TTLL5: variants seen among roughly 807,000 people sequenced by gnomAD.
TTLL5 encodes tubulin polyglutamylase TTLL5.
A neutral mutation model predicts 168.4 loss-of-function variants in TTLL5; 132 were observed. The ratio of observed to expected loss-of-function variants is 0.78; its 90% confidence interval spans 0.68 to 0.91. TTLL5 has a LOEUF of 0.91. TTLL5 is among the 40% of genes least tolerant of loss of function. The pLI, the probability that TTLL5 is intolerant of heterozygous loss-of-function variation, is 0.00. For synonymous variants in TTLL5, 546 were observed against 558.6 expected (o/e 0.98, Z 0.32); for missense variants, 1,545 against 1,581.5 (o/e 0.98, Z 0.39).
At chr14:75,756,340 A>G (rs1039284218) in intron 18 of TTLL5, among the ~76,000 whole-genome samples, 2 of 152,176 alleles carry the variant, frequency 1.3e-5, no homozygotes, top group Non-Finnish European at 2.9e-5. Flanking sequence ...CAGATTAATG[A>G]GGCAGGGTTT....
intron 9 of TTLL5, chr14:75,710,001 T>C (rs1209204602): frequency 6.6e-6 from 1 of 152,250 alleles, no homozygotes; most frequent in East Asian, 1.9e-4. Flanking sequence ...GTTATGAGTT[T>C]CATCATTCTC....
intron 30 of TTLL5, among the ~76,000 whole-genome samples, chr14:75,897,002 A>C (rs1595227645): frequency 1.3e-5 from 2 of 152,114 alleles, no homozygotes; most frequent in Non-Finnish European, 2.9e-5. Flanking sequence ...ACTAGAAAAA[A>C]TTTTTCAAAA....
intron 19 of TTLL5, 30 bp downstream of exon 19, chr14:75,764,802 C>T (rs560308131): frequency 1.2e-6 from 2 of 1,613,098 alleles, no homozygotes; most frequent in African/African-American, 1.3e-5. Flanking sequence ...CACCAAACTC[C>T]CTTATCTGGA....
At chr14:75,947,331 C>T (rs752923186) in intron 31 of TTLL5, among the ~76,000 whole-genome samples, 4 of 151,994 alleles carry the variant, frequency 2.6e-5, no homozygotes, top group South Asian at 2.1e-4. Context: ...ACCAACCAAA[C>T]GAAAGCTGAT....
chr14:75,701,280 C>G (rs545052623), intron 7 of TTLL5, among the ~76,000 whole-genome samples: 11 of 152,054 alleles, frequency 7.2e-5, no homozygotes, highest in Non-Finnish European at 1.6e-4. Context: ...CTCTTCTGTC[C>G]TTTAATTTTA....
At chr14:75,927,533 T>G (rs2034116390) in intron 31 of TTLL5, among the ~76,000 whole-genome samples, 1 of 152,218 alleles carries the variant, frequency 6.6e-6, no homozygotes, top group Non-Finnish European at 1.5e-5. Flanking sequence ...TCTTCACATC[T>G]TAGATGGACA....
At chr14:75,838,350 C>A (rs182775024) in intron 28 of TTLL5, 3 of 150,372 alleles carry the variant, frequency 2.0e-5, no homozygotes, top group African/African-American at 7.4e-5. Context: ...GTCAGGAGAT[C>A]GAGACCATCC....
chr14:75,909,689 AC>A (rs1432536363), intron 31 of TTLL5, among the ~76,000 whole-genome samples: 2 of 152,248 alleles, frequency 1.3e-5, no homozygotes, highest in East Asian at 3.8e-4. Context: ...ACCAGGAAGA[AC>A]CATGAATTAG....
At chr14:75,670,209 T>C (rs1883625036) in intron 3 of TTLL5, among the ~76,000 whole-genome samples, 1 of 151,498 alleles carries the variant, frequency 6.6e-6, no homozygotes. Flanking sequence ...TGTTTCCACC[T>C]TTTTTTTTAA....
At chr14:75,772,669 C>CTT (rs904209991) in intron 21 of TTLL5, among the ~76,000 whole-genome samples, 6 of 136,892 alleles carry the variant, frequency 4.4e-5, no homozygotes, top group South Asian at 2.4e-4. Flanking sequence ...CTTCCATATT[C>CTT]TTTTTTTTTT....
intron 29 of TTLL5, among the ~76,000 whole-genome samples, chr14:75,870,009 G>T (rs932585067): frequency 6.6e-6 from 1 of 151,392 alleles, no homozygotes; most frequent in Admixed American, 6.6e-5. Flanking sequence ...TAGTAGAGAT[G>T]GGGTTTTCAC....
chr14:75,763,929 C>T (rs1890812415), intron 18 of TTLL5, among the ~76,000 whole-genome samples: 1 of 152,150 alleles, frequency 6.6e-6, no homozygotes, highest in Admixed American at 6.5e-5. Flanking sequence ...GTACTTAACG[C>T]CTGTAAAGTC....
At chr14:75,689,021 T>C (rs561275258) in intron 5 of TTLL5, among the ~76,000 whole-genome samples, 40 of 152,358 alleles carry the variant, frequency 2.6e-4, no homozygotes, top group African/African-American at 8.9e-4. Context: ...TGCCTCTAAC[T>C]AGTGGAATAT....
intron 12 of TTLL5, among the ~76,000 whole-genome samples, chr14:75,728,312 C>T (rs1296873013): frequency 4.7e-5 from 7 of 147,380 alleles, no homozygotes; most frequent in African/African-American, 1.5e-4. Flanking sequence ...GCCGATATTA[C>T]ACCATTGCAC....
At chr14:75,803,027 T>C (rs1240148292) in intron 27 of TTLL5, 1 of 152,262 alleles carries the variant, frequency 6.6e-6, no homozygotes, top group African/African-American at 2.4e-5. Flanking sequence ...AGGAATGAAG[T>C]TGGGCGAGAA....
In TTLL5 at chr14:75,805,547, T is replaced by C. The variant is rs1305803124; in HGVS notation, c.3171+12447T>C. ...TTTCCTGTGATTTCATCCTGGTACT[T>C]CTCTATGGATTTCTCCCAAGTATAT... On this transcript the variant is annotated intron_variant, in intron 27 of 31. Coordinates refer to ENST00000298832, the MANE Select transcript of TTLL5 (RefSeq NM_015072.5). Among the ~76,000 whole-genome samples, 503 of 152,314 alleles carry C rather than the reference T, an allele frequency of 3.3e-3. 3 individuals carry two copies. The highest frequency in any genetic ancestry group is 0.011 in the African/African-American group (470 of 41,568).
intron 27 of TTLL5, among the ~76,000 whole-genome samples, chr14:75,813,991 C>T (rs1670993508): frequency 6.6e-6 from 1 of 152,172 alleles, no homozygotes; most frequent in African/African-American, 2.4e-5. Flanking sequence ...CTATGACCTC[C>T]ACTTTAATAT....
At chr14:75,800,982 G>A (rs1028929623) in intron 27 of TTLL5, among the ~76,000 whole-genome samples, 2 of 152,140 alleles carry the variant, frequency 1.3e-5, no homozygotes, top group African/African-American at 4.8e-5. Flanking sequence ...CCTCCAGCCA[G>A]GAGGTGGCGC....
At chr14:75,785,943 G>C (rs1032878250) in intron 26 of TTLL5, among the ~76,000 whole-genome samples, 1 of 152,112 alleles carries the variant, frequency 6.6e-6, no homozygotes, top group African/African-American at 2.4e-5. Flanking sequence ...ATTATCTGTG[G>C]ATCAGTTTGG....
Sources: allele counts gnomAD v4.1 joint callset (sites outside exome capture counted in the v4.1 genomes callset), GRCh38; gene constraint gnomAD v4.1.1; transcripts MANE v1.5; gene names NCBI Gene and HGNC (gene_info 2026-07-23, HGNC 2026-07-21).